Variants in KDM1A observed in about 807,000 individuals in gnomAD.
KDM1A encodes lysine-specific histone demethylase 1A.
A neutral mutation model predicts 109.4 loss-of-function variants in KDM1A; 49 were observed. The ratio of observed to expected loss-of-function variants is 0.45; its 90% CI spans 0.36 to 0.57. The LOEUF is 0.57. Ranked by LOEUF, KDM1A falls within the 20% of genes least tolerant of loss-of-function variation. The pLI is 0.00. For synonymous variants in KDM1A, 380 were observed against 415.4 expected, an observed-to-expected ratio of 0.91 and a Z score of 1.04; for missense variants, 668 against 1,116.6, an observed-to-expected ratio of 0.60 and a Z score of 5.73.
In KDM1A at chr1:23,046,148, A is replaced by T. The variant is rs546847010; in HGVS notation, c.577+1662A>T. ...AAACCCAAAGAAGTTAAATAGATTG[A>T]CCAGCAATACACCAGCAGTTCTGGA... On this transcript the variant is annotated intron_variant, in intron 3 of 20. Transcript: ENST00000400181. Among the ~76,000 whole-genome samples the T allele has an allele frequency of 6.6e-5, 10 of 152,270 alleles. No individual in the cohort carries two copies. The East Asian group carries it at 1.5e-3, about 23-fold the overall frequency.
chr1:23,068,474 G>C, intron 10 of KDM1A, 65 bp from the exon 11 acceptor site: 1 of 1,342,942 alleles, frequency 7.4e-7, no homozygotes, highest in Non-Finnish European at 1.0e-6. Flanking sequence ...TAGAGCATTT[G>C]TGTTTTCATG....
chr1:23,037,375 C>T (rs1455431862), intron 2 of KDM1A, among the ~76,000 whole-genome samples: 3 of 149,322 alleles, frequency 2.0e-5, no homozygotes, highest in Non-Finnish European at 4.4e-5. Flanking sequence ...AATGAAGAAA[C>T]TACAATAGAA....
chr1:23,073,404 G>A lies in KDM1A; in HGVS notation c.1734+1G>A. ...TCTCTCCCTTAAGCACTGGGATCAG[G>A]TAAGTTTCCCTTATTGTTTATTTTA... On this transcript the variant is annotated splice_donor_variant, in intron 15 of 20. Coordinates refer to ENST00000400181, the MANE Select transcript of KDM1A (RefSeq NM_001009999.3). LOFTEE classifies it high-confidence loss of function. The A allele has an allele frequency of 6.5e-7, 1 of 1,539,020 alleles. No individual in the cohort carries two copies. Among genetic ancestry groups the A allele is most frequent in the Non-Finnish European group, 9.0e-7 (1 of 1,112,438 alleles).
At chr1:23,042,867 G>T in intron 2 of KDM1A, among the ~76,000 whole-genome samples, 1 of 152,072 alleles carries the variant, frequency 6.6e-6, no homozygotes, top group Non-Finnish European at 1.5e-5. Flanking sequence ...TCCTGCCTCA[G>T]CCTCCCGAGT....
chr1:23,052,562 T>C (rs1489601969), intron 4 of KDM1A, among the ~76,000 whole-genome samples: 5 of 152,192 alleles, frequency 3.3e-5, no homozygotes, highest in Admixed American at 3.3e-4. Flanking sequence ...TAGTAGTGTT[T>C]AGTTTGTCAT....
intron 2 of KDM1A, among the ~76,000 whole-genome samples, chr1:23,040,724 G>A (rs1211043474): frequency 1.3e-5 from 2 of 152,114 alleles, no homozygotes; most frequent in Non-Finnish European, 2.9e-5. Context: ...GGAGTTCAAG[G>A]TTACAGTGAA....
At position 23,079,344 on chromosome 1, in the gene KDM1A, A is replaced by G. The variant is rs1275217779; in HGVS notation, c.2055+167A>G. Among the ~76,000 whole-genome samples, 2 of 152,228 alleles carry G rather than the reference A, an allele frequency of 1.3e-5. No individual in the cohort carries two copies. The highest frequency in any genetic ancestry group is 6.5e-5 in the Admixed American group (1 of 15,286). On this transcript the variant is annotated intron_variant, in intron 17 of 20. Coordinates refer to ENST00000400181, the MANE Select transcript of KDM1A (RefSeq NM_001009999.3). The surrounding 1 kb of genome is among the most constrained non-coding windows in gnomAD (Gnocchi z 5.6). ...TTGATTCTCTTCAGTGCCTAAGTCT[A>G]TCATCAAGTGTCTGTTCATATGGAC...
Position 23,071,270 on chromosome 1 carries a change from AAAG to A in KDM1A, c.1463_1465del (p.Glu488del). 1.2e-6 allele frequency: 2 copies of A among 1,608,166 alleles called. No homozygotes were observed. The highest frequency in any genetic ancestry group is 1.7e-6 in the Non-Finnish European group (2 of 1,177,880). On this transcript the variant is annotated inframe_deletion, in exon 13 of 21. Transcript: ENST00000400181. ...AATTAAAGAACTCCATCAGCAATAC[AAAG>A]AAGCATCTGAAGTAAAGCCACCCAG...
At position 23,073,792 on chromosome 1, in the gene KDM1A, T is replaced by C. The variant is rs544862373; in HGVS notation, c.1734+389T>C. The stretch of plus-strand genomic sequence containing the variant: ...TGATATATTTCACTTAGTATAGTTT[T>C]TGAGATGTGCATGAAGTTTTTGAGA... On this transcript the variant is annotated intron_variant, in intron 15 of 20. Transcript: ENST00000400181. Among the ~76,000 whole-genome samples, 215 of 152,370 alleles carry C rather than the reference T, an allele frequency of 1.4e-3. 1 individual carries two copies. Among genetic ancestry groups the C allele is most frequent in the Middle Eastern group, 3.4e-3 (1 of 294 alleles).
Position 23,083,335 on chromosome 1 carries a change from G to T in KDM1A, c.2602G>T (p.Val868Phe), listed in dbSNP as rs780409558. The part of the protein sequence containing the change: ...YTLPRQATPG[V>F]PAQQSPSM ...GCTGCCTCGCCAGGCCACACCAGGT[G>T]TTCCTGCACAGCAGTCCCCAAGCAT... The change falls in exon 21 of 21, where the codon GTT becomes TTT. Residue 868 changes from valine to phenylalanine, a missense_variant. Val to Phe is a conservative substitution (Grantham distance 50, BLOSUM62 -1). Coordinates refer to ENST00000400181, the MANE Select transcript of KDM1A (RefSeq NM_001009999.3). The T allele has an allele frequency of 6.2e-7, 1 of 1,613,652 alleles. No homozygotes were observed. Among genetic ancestry groups the T allele is most frequent in the Non-Finnish European group, 8.5e-7 (1 of 1,179,900 alleles).
Position 23,072,159 on chromosome 1 carries a change from A to G in KDM1A, c.1584A>G (p.Leu528=), listed in dbSNP as rs754799972. ...AATTAGCTGAAACACAAGGAAAGCTAGAAGAAAAACTTCAGGAGTTGGAAG... is the reference window on the plus strand; with the variant it reads ...AATTAGCTGAAACACAAGGAAAGCTGGAAGAAAAACTTCAGGAGTTGGAAG... ...YDELAETQGK[L]EEKLQELEAN... Residue 528 remains leucine, a synonymous_variant, in exon 14 of 21, where the codon CTA becomes CTG. Transcript: ENST00000400181. 4.3e-6 allele frequency: 7 copies of G among 1,611,378 alleles called. No individual in the cohort carries two copies. In the South Asian group the frequency reaches 6.6e-5, roughly 15 times the overall value.
intron 2 of KDM1A, among the ~76,000 whole-genome samples, chr1:23,040,362 T>A (rs1017962939): frequency 7.2e-5 from 11 of 152,200 alleles, no homozygotes; most frequent in African/African-American, 2.7e-4. Flanking sequence ...AATGTGATTA[T>A]AACTACAACA....
intron 2 of KDM1A, among the ~76,000 whole-genome samples, chr1:23,042,946 A>AGCTTTATTTTTAGTAGAAATAAAGCCTAG: frequency 6.6e-6 from 1 of 150,632 alleles, no homozygotes; most frequent in South Asian, 2.1e-4. Context: ...ATAAGGTTTC[A>AGCTTTATTTTTAGTAGAAATAAAGCCTAG]CCAAGTTGGC....
chr1:23,056,544 A>C (rs1180594401), intron 7 of KDM1A, among the ~76,000 whole-genome samples: 2 of 152,156 alleles, frequency 1.3e-5, no homozygotes, highest in African/African-American at 2.4e-5. Context: ...GGATGCTACT[A>C]TTCAAGCTAT....
intron 20 of KDM1A, 41 bp downstream of exon 20, chr1:23,082,407 G>T: frequency 6.5e-7 from 1 of 1,533,144 alleles, no homozygotes. Flanking sequence ...TTGGGAAGAG[G>T]CCAGGATCTC....
rs543947562 is a variant in KDM1A, at chr1:23,083,550, C to G, written c.*186C>G. 3.1e-4 allele frequency: 151 copies of G among 490,944 alleles called. No homozygotes were observed. Among genetic ancestry groups the G allele is most frequent in the Non-Finnish European group, 4.9e-4 (136 of 279,208 alleles). 30.4% of individuals were successfully genotyped at this position (490,944 alleles called of 1,614,324 possible). On this transcript the variant is annotated 3_prime_UTR_variant, in exon 21 of 21. Transcript: ENST00000400181. ...GAATGACCTAGAGCACAGGGAGGAA[C>G]TTGTCCATTAGTTTGGAATTGTGTT...
intron 8 of KDM1A, chr1:23,057,800 C>CTTTTTTT (rs10685820): frequency 1.2e-4 from 15 of 127,600 alleles, no homozygotes; most frequent in East Asian, 2.8e-4. Context: ...GTGTTTGAAG[C>CTTTTTTT]TTTTTTTTTT....
chr1:23,022,784 G>C (rs1386424869), intron 1 of KDM1A, among the ~76,000 whole-genome samples: 3 of 149,338 alleles, frequency 2.0e-5, no homozygotes, highest in African/African-American at 7.4e-5. Flanking sequence ...TTAGCCAGCC[G>C]AGTAGCTGGG....
chr1:23,072,325 A>G lies in KDM1A; in HGVS notation c.1622+128A>G, dbSNP rs912443909. 34 of 690,748 alleles carry G rather than the reference A, an allele frequency of 4.9e-5. No individual in the cohort carries two copies. The Middle Eastern group carries it at 7.4e-4, about 15-fold the overall frequency. 42.8% of individuals were successfully genotyped at this position (690,748 alleles called of 1,614,324 possible). A position where few individuals can be genotyped will look rare whatever the true frequency, so the allele number is the denominator to read the frequency against. The stretch of plus-strand genomic sequence containing the variant: ...CAGTGAGTGGTTTAAATTGTTAAAT[A>G]AATGAATGTGTGACTACTTTTGAGG... On this transcript the variant is annotated intron_variant, in intron 14 of 20. Transcript: ENST00000400181.
Sources: gnomAD v4.1 joint callset for allele counts (sites outside exome capture counted in the v4.1 genomes callset) on GRCh38, gnomAD v4.1.1 for gene constraint, Gnocchi (gnomAD v3.1) non-coding constraint, MANE v1.5 for transcripts, NCBI Gene and HGNC (gene_info 2026-07-23, HGNC 2026-07-21) for gene names.